The following PRRC2B variants were observed in gnomAD, a reference collection of about 807,000 sequenced individuals.
The protein encoded by PRRC2B is proline rich coiled-coil 2B.
PRRC2B carries 68 observed loss-of-function variants against 242.3 expected under a neutral mutation model. That is an observed-to-expected ratio of 0.28 (90% CI 0.23 to 0.34). The LOEUF (loss-of-function observed/expected upper bound fraction) is 0.34. PRRC2B is among the 10% of genes least tolerant of loss of function. The pLI is 1.00. For missense variants in PRRC2B, 2,835 were observed against 2,954.8 expected, an observed-to-expected ratio of 0.96 and a Z score of 0.94; for synonymous variants, 1,228 against 1,173.6, an observed-to-expected ratio of 1.05 and a Z score of -0.95.
chr9:131,475,320 CCCGGGG>C lies in PRRC2B; in HGVS notation c.3201_3206del (p.Arg1069_Gly1070del). 1 of 1,597,834 alleles carries C rather than the reference CCCGGGG, an allele frequency of 6.3e-7. No individual in the cohort carries two copies. The highest frequency in any genetic ancestry group is 8.5e-7 in the Non-Finnish European group (1 of 1,173,042). On this transcript the variant is annotated inframe_deletion, in exon 16 of 32. Coordinates refer to ENST00000683519, the MANE Select transcript of PRRC2B (RefSeq NM_013318.4). ...CAAGCCTTTGGGGTCAGAGGACAGG[CCCGGGG>C]CCGGGGCCGTGGTTTCAGAGAGTTC...
At chr9:131,411,836 CAG>C (rs1256450844) in intron 1 of PRRC2B, among the ~76,000 whole-genome samples, 2 of 152,038 alleles carry the variant, frequency 1.3e-5, no homozygotes, top group Non-Finnish European at 2.9e-5. Flanking sequence ...TTTTTTCAGA[CAG>C]AGTCTTGTTC....
chr9:131,411,970 ATTTTT>A (rs5900936), intron 1 of PRRC2B, among the ~76,000 whole-genome samples: 1 of 146,012 alleles, frequency 6.8e-6, no homozygotes. Context: ...CAGCTAATTA[ATTTTT>A]TTTTTTTTTT....
intron 28 of PRRC2B, among the ~76,000 whole-genome samples, chr9:131,489,786 G>C (rs543769129): frequency 6.6e-6 from 1 of 152,192 alleles, no homozygotes; most frequent in East Asian, 1.9e-4. Flanking sequence ...TCTCTTTCAT[G>C]CATCAGATAT....
chr9:131,465,988 G>A (rs1221465357), intron 12 of PRRC2B, among the ~76,000 whole-genome samples: 1 of 152,214 alleles, frequency 6.6e-6, no homozygotes, highest in Non-Finnish European at 1.5e-5. Flanking sequence ...GCCTCCCAAA[G>A]TGCTGAGATT....
At chr9:131,467,238 T>C (rs1303102229) in intron 12 of PRRC2B, among the ~76,000 whole-genome samples, 3 of 152,130 alleles carry the variant, frequency 2.0e-5, no homozygotes, top group Admixed American at 6.5e-5. Flanking sequence ...CCCGGCCTTA[T>C]TAGTCCTTTT....
chr9:131,492,380 G>A (rs1419412462), intron 30 of PRRC2B, 120 bp downstream of exon 30: 4 of 712,836 alleles, frequency 5.6e-6, no homozygotes, highest in Non-Finnish European at 9.8e-6. Flanking sequence ...CCCTCTATGG[G>A]CCATGTGTCA....
At chr9:131,460,683 G>A (rs1264231277) in intron 11 of PRRC2B, among the ~76,000 whole-genome samples, 3 of 152,218 alleles carry the variant, frequency 2.0e-5, no homozygotes, top group African/African-American at 7.2e-5. Flanking sequence ...ATCAGTGGGT[G>A]TAATCTACTC....
Position 131,497,785 on chromosome 9 carries a change from A to G in PRRC2B, c.*1911A>G, listed in dbSNP as rs1386155393. On this transcript the variant is annotated 3_prime_UTR_variant, in exon 32 of 32. Coordinates refer to ENST00000683519, the MANE Select transcript of PRRC2B (RefSeq NM_013318.4). ...TTTTCCCTCTTTATCCCAAGCCTTT[A>G]TGCTTGAGTCCCTTCCCCAGGGGCT... is the stretch of plus-strand genomic sequence containing the variant. 1 of 152,100 alleles carries G rather than the reference A, an allele frequency of 6.6e-6. No individual in the cohort carries two copies. Among genetic ancestry groups the G allele is most frequent in the East Asian group, 1.9e-4 (1 of 5,166 alleles). 9.4% of individuals were successfully genotyped at this position (152,100 alleles called of 1,614,324 possible).
At chr9:131,433,397 G>A (rs557765846) in intron 3 of PRRC2B, among the ~76,000 whole-genome samples, 10 of 152,296 alleles carry the variant, frequency 6.6e-5, no homozygotes, top group African/African-American at 2.4e-5. Flanking sequence ...AACCCTAGGG[G>A]GCAGAGGGTG....
At chr9:131,433,332 C>T (rs1412674020) in intron 3 of PRRC2B, among the ~76,000 whole-genome samples, 1 of 152,226 alleles carries the variant, frequency 6.6e-6, no homozygotes, top group East Asian at 1.9e-4. Flanking sequence ...CCTCCAGGAT[C>T]ACTGTACTGC....
At chr9:131,457,557 AT>A (rs1368181613) in intron 10 of PRRC2B, among the ~76,000 whole-genome samples, 1 of 152,000 alleles carries the variant, frequency 6.6e-6, no homozygotes, top group Non-Finnish European at 1.5e-5. Flanking sequence ...TCCATGTCTT[AT>A]TTGGCATCTT....
Position 131,447,735 on chromosome 9 carries a change from A to G in PRRC2B, c.1051A>G (p.Thr351Ala), listed in dbSNP as rs772459888. The stretch of plus-strand genomic sequence containing the variant: ...GCTGGTGGAGCGGGCACCACGGCCC[A>G]CCATTATCAATGCGGAAAACCTGAA... Reference protein sequence around the residue: ...RQLVERAPRPTIINAENLKGL... With the variant: ...RQLVERAPRPAIINAENLKGL... Residue 351 changes from threonine to alanine, a missense_variant, in exon 9 of 32, where the codon ACC becomes GCC. By Grantham distance (58) the Thr-to-Ala change is moderately conservative. This residue lies in a region of PRRC2B where 626 missense variants were observed against 685.5 expected (regional missense o/e 0.91). Coordinates refer to ENST00000683519, the MANE Select transcript of PRRC2B (RefSeq NM_013318.4). The G allele has an allele frequency of 4.3e-6, 7 of 1,613,800 alleles. No individual in the cohort carries two copies. The Admixed American group carries it at 8.3e-5, about 19-fold the overall frequency.
chr9:131,430,505 ATAT>A (rs1838108282), intron 2 of PRRC2B, among the ~76,000 whole-genome samples: 1 of 53,488 alleles, frequency 1.9e-5, no homozygotes, highest in Admixed American at 2.6e-4. Context: ...ATATCTATAG[ATAT>A]CTATAGATAG....
At chr9:131,444,476 T>G in intron 6 of PRRC2B, 148 bp downstream of exon 6, 2 of 890,212 alleles carry the variant, frequency 2.2e-6, no homozygotes, top group Non-Finnish European at 3.4e-6. Context: ...GATCTGTGCA[T>G]CCATTGGACT....
intron 1 of PRRC2B, among the ~76,000 whole-genome samples, chr9:131,404,180 CG>C (rs1264102375): frequency 6.7e-6 from 1 of 148,638 alleles, no homozygotes; most frequent in Non-Finnish European, 1.5e-5. Context: ...AAGAAAAAAT[CG>C]TTTATAATCC....
intron 1 of PRRC2B, among the ~76,000 whole-genome samples, chr9:131,399,004 G>C (rs1487678527): frequency 2.6e-5 from 4 of 151,748 alleles, no homozygotes; most frequent in Non-Finnish European, 5.9e-5. Flanking sequence ...GGTCGGGCAC[G>C]GTGGCTCACG....
intron 6 of PRRC2B, among the ~76,000 whole-genome samples, chr9:131,445,258 T>C (rs1016180090): frequency 2.0e-5 from 3 of 152,138 alleles, no homozygotes; most frequent in Non-Finnish European, 4.4e-5. Context: ...CCTCCCGGGT[T>C]CAAGTGATTC....
rs1285480215 is a variant in PRRC2B at position 131,487,734 on chromosome 9, G to A, written c.5985-122G>A. 7.5e-6 allele frequency: 10 copies of A among 1,335,660 alleles called. No individual in the cohort carries two copies. The highest frequency in any genetic ancestry group is 9.1e-6 in the Non-Finnish European group (9 of 990,090). The allele number at this position is 1,335,660 out of a possible 1,614,324, so 82.7% of individuals were successfully genotyped here. A position where few individuals can be genotyped will look rare whatever the true frequency, so the allele number is the denominator to read the frequency against. On this transcript the variant is annotated intron_variant, in intron 27 of 31. Transcript: ENST00000683519. This position sits in a 1 kb window ranked among gnomAD's most constrained non-coding sequence, Gnocchi z 5.3. ...CCCCATCCTGGACCCTCTGAGTCGC[G>A]CTCTGGGGGTGGGGCCGGGGATCTG...
chr9:131,460,069 T>C (rs771277204), intron 11 of PRRC2B, among the ~76,000 whole-genome samples: 1 of 151,982 alleles, frequency 6.6e-6, no homozygotes, highest in African/African-American at 2.4e-5. Context: ...TTTTCTAAAC[T>C]GATTGAACAG....
Sources: allele counts gnomAD v4.1 joint callset (sites outside exome capture counted in the v4.1 genomes callset), GRCh38; gene constraint gnomAD v4.1.1; regional missense constraint gnomAD v4.1.1; non-coding constraint Gnocchi (gnomAD v3.1); transcripts MANE v1.5; gene names NCBI Gene and HGNC (gene_info 2026-07-23, HGNC 2026-07-21).